The following THRB variants were observed in gnomAD, a reference collection of about 807,000 sequenced individuals.
The protein encoded by THRB is nuclear receptor subfamily 1 group A member 2.
Under a neutral mutation model 47.8 loss-of-function variants are expected in THRB, and 12 were observed. That is an observed-to-expected ratio of 0.25 (90% CI 0.16 to 0.41). The LOEUF is 0.41. Among genes scored for constraint, THRB ranks in the 10% least tolerant of loss-of-function variants. The pLI, the probability that THRB is intolerant of heterozygous loss-of-function variation, is 1.00. For missense variants in THRB, 348 were observed against 589.2 expected (o/e 0.59, Z 4.24); for synonymous variants, 218 against 212.2 (o/e 1.03, Z -0.24).
chr3:24,268,818 A>T (rs1298404148), intron 3 of THRB, among the ~76,000 whole-genome samples: 1 of 152,176 alleles, frequency 6.6e-6, no homozygotes, highest in Non-Finnish European at 1.5e-5. Context: ...TTTAAATTTT[A>T]ACAGGAAGTG....
intron 3 of THRB, among the ~76,000 whole-genome samples, chr3:24,232,253 C>G (rs1267019330): frequency 2.0e-5 from 3 of 152,190 alleles, no homozygotes; most frequent in African/African-American, 7.2e-5. Context: ...TATCGCGAGG[C>G]CTTGGTTGAG....
At chr3:24,304,554 G>A (rs1193495933) in intron 2 of THRB, among the ~76,000 whole-genome samples, 1 of 152,012 alleles carries the variant, frequency 6.6e-6, no homozygotes, top group Non-Finnish European at 1.5e-5. Flanking sequence ...AAAATGTGTG[G>A]CTTATAGCTA....
intron 4 of THRB, among the ~76,000 whole-genome samples, chr3:24,200,948 G>C (rs2044520870): frequency 6.6e-6 from 1 of 152,114 alleles, no homozygotes; most frequent in African/African-American, 2.4e-5. Flanking sequence ...TATGACTTAA[G>C]TACCTGCAGG....
chr3:24,284,297 C>A (rs1486043948), intron 3 of THRB, among the ~76,000 whole-genome samples: 1 of 151,808 alleles, frequency 6.6e-6, no homozygotes, highest in African/African-American at 2.4e-5. Flanking sequence ...ACTATCTGAT[C>A]TTTGACAAAC....
intron 1 of THRB, among the ~76,000 whole-genome samples, chr3:24,389,801 A>G (rs982412817): frequency 5.9e-5 from 9 of 152,124 alleles, no homozygotes; most frequent in African/African-American, 2.2e-4. Context: ...CAGTGCTTAT[A>G]AAAATAGCTT....
intron 2 of THRB, among the ~76,000 whole-genome samples, chr3:24,324,735 C>G (rs1383070688): frequency 6.6e-6 from 1 of 152,166 alleles, no homozygotes; most frequent in Non-Finnish European, 1.5e-5. Flanking sequence ...GTAAATGAAC[C>G]AAGGCCAAGC....
intron 2 of THRB, among the ~76,000 whole-genome samples, chr3:24,307,573 C>G (rs985002476): frequency 1.3e-5 from 2 of 152,060 alleles, no homozygotes; most frequent in Non-Finnish European, 2.9e-5. Context: ...AGATATTTGG[C>G]TGATTTCCAA....
chr3:24,167,890 A>G (rs2039857558), intron 5 of THRB, among the ~76,000 whole-genome samples: 1 of 152,160 alleles, frequency 6.6e-6, no homozygotes, highest in African/African-American at 2.4e-5. Context: ...CTCCCCTGGA[A>G]CTGGATATAA....
Position 24,122,975 on chromosome 3 carries a change from C to G in THRB, c.1295G>C (p.Gly432Ala). The G allele has an allele frequency of 6.2e-7, 1 of 1,614,184 alleles. No homozygotes were observed. Among genetic ancestry groups the G allele is most frequent in the Non-Finnish European group, 8.5e-7 (1 of 1,180,040 alleles). ...CAGGAAGCGGCTGGCATGGCAGGCT[C>G]CTATCATCCGCAGATCTGTCACCTT... ...LMKVTDLRMI[G>A]ACHASRFLHM... The change falls in exon 11 of 11, where the codon GGA (glycine) becomes GCA (alanine). Residue 432 changes from glycine (G) to alanine (A), a missense_variant. By Grantham distance (60) the Gly-to-Ala change is moderately conservative (BLOSUM62 0). Around this residue, in one of 5 missense-constraint regions of THRB, gnomAD observed 7 missense variants for 46.8 expected, o/e 0.15. Transcript: ENST00000646209.
chr3:24,453,935 C>T (rs1158091137), intron 1 of THRB, among the ~76,000 whole-genome samples: 2 of 152,130 alleles, frequency 1.3e-5, no homozygotes, highest in Non-Finnish European at 2.9e-5. Context: ...TCTCAGGGTA[C>T]TTTCTTGACC....
intron 1 of THRB, among the ~76,000 whole-genome samples, chr3:24,470,386 T>C (rs1021842482): frequency 2.0e-5 from 3 of 152,196 alleles, no homozygotes; most frequent in Admixed American, 1.3e-4. Context: ...ACACTTCACG[T>C]GACTGCCTGG....
At chr3:24,148,999 C>T (rs142174209) in intron 6 of THRB, among the ~76,000 whole-genome samples, 4 of 152,290 alleles carry the variant, frequency 2.6e-5, no homozygotes, top group Non-Finnish European at 4.4e-5. Context: ...CTCATTCACA[C>T]GCAGGGCAGT....
chr3:24,277,893 T>A (rs999774199), intron 3 of THRB, among the ~76,000 whole-genome samples: 1 of 152,326 alleles, frequency 6.6e-6, no homozygotes, highest in African/African-American at 2.4e-5. Flanking sequence ...TATCAAATAA[T>A]TGATGTTCTC....
intron 1 of THRB, among the ~76,000 whole-genome samples, chr3:24,460,658 G>A (rs540563621): frequency 2.0e-5 from 3 of 152,304 alleles, no homozygotes; most frequent in Admixed American, 6.5e-5. Context: ...TTATGCTGTA[G>A]TTATGACTGA....
intron 5 of THRB, among the ~76,000 whole-genome samples, chr3:24,185,955 G>A (rs569703720): frequency 6.6e-6 from 1 of 152,296 alleles, no homozygotes; most frequent in South Asian, 2.1e-4. Flanking sequence ...ATTAGGCAGT[G>A]ACTAAGCAGA....
At chr3:24,275,380 G>A (rs138315977) in intron 3 of THRB, among the ~76,000 whole-genome samples, 204 of 152,226 alleles carry the variant, frequency 1.3e-3, no homozygotes, top group Middle Eastern at 3.4e-3. Flanking sequence ...AAGTTGAAAC[G>A]AATACTCTCT....
chr3:24,216,463 C>T (rs563019787), intron 4 of THRB, among the ~76,000 whole-genome samples: 1 of 152,092 alleles, frequency 6.6e-6, no homozygotes, highest in Non-Finnish European at 1.5e-5. Context: ...AAAAAATTAG[C>T]CGGGCGTGGT....
rs542927804 is a variant in THRB at position 24,450,472 on chromosome 3, A to G, written c.-261+44180T>C. ...ACATTTTATCTCCATTTGTGCATTTATGAACGTATTCTACATTTTTCTGAA... is the reference window on the plus strand; with the variant it reads ...ACATTTTATCTCCATTTGTGCATTTGTGAACGTATTCTACATTTTTCTGAA... On this transcript the variant is annotated intron_variant, in intron 1 of 10. Coordinates refer to ENST00000646209, the MANE Select transcript of THRB (RefSeq NM_001354712.2). 5.9e-5 allele frequency among the ~76,000 whole-genome samples: 9 copies of G among 152,342 alleles called. No homozygotes were observed. The East Asian group carries it at 1.7e-3, about 29-fold the overall frequency.
chr3:24,403,440 G>A lies in THRB; in HGVS notation c.-260-66069C>T, dbSNP rs530818467. 3.3e-5 allele frequency among the ~76,000 whole-genome samples: 5 copies of A among 152,010 alleles called. No individual in the cohort carries two copies. The South Asian group carries it at 6.2e-4, about 19-fold the overall frequency. Reference sequence around the variant, plus strand: ...CTAGGACACAGTTCTCAATGTATCCGAGAAATTCTGGGGGACTCCAAGCCT... The same window carrying A: ...CTAGGACACAGTTCTCAATGTATCCAAGAAATTCTGGGGGACTCCAAGCCT... On this transcript the variant is annotated intron_variant, in intron 1 of 10. Transcript: ENST00000646209.
Sources: allele counts gnomAD v4.1 joint callset (sites outside exome capture counted in the v4.1 genomes callset), GRCh38; gene constraint gnomAD v4.1.1; regional missense constraint gnomAD v4.1.1; transcripts MANE v1.5; gene names NCBI Gene and HGNC (gene_info 2026-07-23, HGNC 2026-07-21).